The following LRFN5 variants were observed in gnomAD, a reference collection of about 807,000 sequenced individuals.
LRFN5 encodes the protein leucine rich repeat and fibronectin type III domain containing 5, also known as leucine-rich repeat and fibronectin type-III domain-containing protein 5.
In LRFN5, 24 loss-of-function variants were observed where a neutral mutation model predicts 45.6. The ratio of observed to expected loss-of-function variants is 0.53; its 90% CI spans 0.38 to 0.74. The LOEUF (loss-of-function observed/expected upper bound fraction) is 0.74, where lower values mean the gene tolerates loss of function less well. Ranked by LOEUF, LRFN5 falls within the 30% of genes least tolerant of loss-of-function variation. LRFN5 has a pLI of 0.00. For missense variants in LRFN5, 776 were observed against 861.5 expected (o/e 0.90, Z 1.24); for synonymous variants, 340 against 313.8 (o/e 1.08, Z -0.88).
intron 1 of LRFN5, among the ~76,000 whole-genome samples, chr14:41,657,755 T>G (rs1880447867): frequency 1.3e-5 from 2 of 151,970 alleles, no homozygotes; most frequent in Admixed American, 1.3e-4. Flanking sequence ...ATGAAATTAT[T>G]TAATAAACCT....
intron 1 of LRFN5, among the ~76,000 whole-genome samples, chr14:41,614,995 AG>A (rs1887883578): frequency 6.6e-6 from 1 of 152,076 alleles, no homozygotes; most frequent in African/African-American, 2.4e-5. Context: ...CAGAGAATCT[AG>A]CTGAGTTTAA....
At chr14:41,829,095 T>A (rs973731332) in intron 2 of LRFN5, among the ~76,000 whole-genome samples, 1 of 152,016 alleles carries the variant, frequency 6.6e-6, no homozygotes, top group Non-Finnish European at 1.5e-5. Context: ...GATGATAAAA[T>A]CACTCCTAGT....
chr14:41,736,417 T>C (rs1016871153), intron 1 of LRFN5, among the ~76,000 whole-genome samples: 3 of 152,226 alleles, frequency 2.0e-5, no homozygotes, highest in Non-Finnish European at 4.4e-5. Flanking sequence ...TTGAGAAGTG[T>C]CTGTTCACAT....
rs116194187 is a variant in LRFN5 at position 41,872,877 on chromosome 14, C to T, written c.-20-13729C>T. On this transcript the variant is annotated intron_variant, in intron 2 of 5. Coordinates refer to ENST00000298119, the MANE Select transcript of LRFN5 (RefSeq NM_152447.5). The stretch of plus-strand genomic sequence containing the variant: ...TTCTCATAAACACATAACATGGGCA[C>T]ATATGTGTGCACACAGATATGCGTA... Among the ~76,000 whole-genome samples the T allele has an allele frequency of 9.0e-3, 1,377 of 152,298 alleles. 30 individuals carry two copies. Among genetic ancestry groups the T allele is most frequent in the African/African-American group, 0.03 (1,256 of 41,568 alleles).
At chr14:41,852,538 C>T (rs1889307512) in intron 2 of LRFN5, among the ~76,000 whole-genome samples, 1 of 151,936 alleles carries the variant, frequency 6.6e-6, no homozygotes, top group Non-Finnish European at 1.5e-5. Flanking sequence ...TCAGATACTA[C>T]ATATTGACAT....
At chr14:41,616,999 T>G (rs574958572) in intron 1 of LRFN5, among the ~76,000 whole-genome samples, 1 of 152,280 alleles carries the variant, frequency 6.6e-6, no homozygotes. Context: ...TTGCTTTCTT[T>G]TTAAACTTCC....
intron 1 of LRFN5, among the ~76,000 whole-genome samples, chr14:41,677,143 GA>G (rs34515859): frequency 1.2e-4 from 18 of 151,848 alleles, no homozygotes; most frequent in East Asian, 1.2e-3. Context: ...AAAACAAGGG[GA>G]AAAAAAATCT....
chr14:41,807,645 G>A (rs989678897), intron 2 of LRFN5, among the ~76,000 whole-genome samples: 5 of 152,086 alleles, frequency 3.3e-5, no homozygotes, highest in Admixed American at 1.3e-4. Flanking sequence ...CACCCTGTCT[G>A]CTGGGAGGGA....
chr14:41,728,358 A>G (rs937620445), intron 1 of LRFN5, among the ~76,000 whole-genome samples: 1 of 152,176 alleles, frequency 6.6e-6, no homozygotes, highest in Non-Finnish European at 1.5e-5. Flanking sequence ...CTCAGCAAAA[A>G]AGTTTACGTG....
chr14:41,680,047 G>T (rs1017831936), intron 1 of LRFN5, among the ~76,000 whole-genome samples: 1 of 152,180 alleles, frequency 6.6e-6, no homozygotes, highest in East Asian at 1.9e-4. Flanking sequence ...GGGGAGGGAA[G>T]AGTTGGAAGG....
intron 5 of LRFN5, among the ~76,000 whole-genome samples, chr14:41,899,897 A>T (rs180916490): frequency 6.6e-6 from 1 of 152,262 alleles, no homozygotes; most frequent in East Asian, 1.9e-4. Context: ...AAATACTGAA[A>T]CAATCAATAG....
chr14:41,779,109 T>C (rs1361758136), intron 2 of LRFN5, among the ~76,000 whole-genome samples: 2 of 151,814 alleles, frequency 1.3e-5, no homozygotes, highest in Non-Finnish European at 3.0e-5. Context: ...TAGTTTCACA[T>C]TATAGGGTAT....
At chr14:41,819,475 A>T (rs550245634) in intron 2 of LRFN5, among the ~76,000 whole-genome samples, 2 of 152,210 alleles carry the variant, frequency 1.3e-5, no homozygotes, top group East Asian at 3.9e-4. Context: ...CTAGTGTATT[A>T]GTTCATTCTT....
At chr14:41,895,718 T>C (rs1444791440) in intron 4 of LRFN5, among the ~76,000 whole-genome samples, 1 of 151,964 alleles carries the variant, frequency 6.6e-6, no homozygotes, top group African/African-American at 2.4e-5. Context: ...TTTTTTTTTT[T>C]CCTAACCATT....
At chr14:41,655,287 T>G (rs1351747958) in intron 1 of LRFN5, among the ~76,000 whole-genome samples, 2 of 152,036 alleles carry the variant, frequency 1.3e-5, no homozygotes, top group Non-Finnish European at 2.9e-5. Flanking sequence ...GGAAGGGTTA[T>G]TATTTTATAT....
intron 2 of LRFN5, among the ~76,000 whole-genome samples, chr14:41,853,059 G>A (rs1056809991): frequency 6.6e-6 from 1 of 151,896 alleles, no homozygotes; most frequent in Non-Finnish European, 1.5e-5. Flanking sequence ...CACGGAACTC[G>A]TAGGCATAAA....
intron 2 of LRFN5, among the ~76,000 whole-genome samples, chr14:41,832,104 G>A (rs72668867): frequency 0.23 from 35,157 of 152,036 alleles, 4,606 homozygotes; most frequent in Middle Eastern, 0.35. Context: ...TTGGAGGTTA[G>A]GGATTCAATA....
At chr14:41,875,805 G>T (rs1890166051) in intron 2 of LRFN5, among the ~76,000 whole-genome samples, 1 of 152,142 alleles carries the variant, frequency 6.6e-6, no homozygotes, top group Non-Finnish European at 1.5e-5. Flanking sequence ...GAAAGTTAAG[G>T]TTGGAAACTG....
chr14:41,693,616 A>G (rs1403980095), intron 1 of LRFN5, among the ~76,000 whole-genome samples: 1 of 151,968 alleles, frequency 6.6e-6, no homozygotes, highest in East Asian at 1.9e-4. Flanking sequence ...TTCCTTTAAC[A>G]TGTATTGAAA....
Sources: allele counts gnomAD v4.1 joint callset (sites outside exome capture counted in the v4.1 genomes callset), GRCh38; gene constraint gnomAD v4.1.1; transcripts MANE v1.5; gene names NCBI Gene and HGNC (gene_info 2026-07-23, HGNC 2026-07-21).